MYLK4: variants seen among roughly 807,000 people sequenced by gnomAD.
MYLK4 encodes the protein myosin light chain kinase family member 4.
A neutral mutation model predicts 48.1 loss-of-function variants in MYLK4; 46 were observed. That is an observed-to-expected ratio of 0.96 (90% CI 0.75 to 1.22). MYLK4 has a LOEUF of 1.22. Ranked by LOEUF, MYLK4 falls within the 50% of genes most tolerant of loss-of-function variation. The pLI is 0.00. For missense variants in MYLK4, 451 were observed against 486.1 expected (o/e 0.93, Z 0.68); for synonymous variants, 170 against 180.8 (o/e 0.94, Z 0.48).
the MYLK4 span, chr6:2,765,934 G>C: frequency 1.4e-6 from 2 of 1,449,672 alleles, no homozygotes; most frequent in South Asian, 2.7e-5. Context: ...ACGGCGGCGA[G>C]ACCGAGAGCC....
intron 4 of MYLK4, among the ~76,000 whole-genome samples, 195 bp downstream of exon 4, chr6:2,688,656 A>C (rs1298855109): frequency 6.6e-6 from 1 of 152,234 alleles, no homozygotes. Context: ...GAAGTAAAGC[A>C]GATAATAAAT....
At chr6:2,721,637 C>T (rs758542735) in intron 2 of MYLK4, among the ~76,000 whole-genome samples, 38 of 152,206 alleles carry the variant, frequency 2.5e-4, no homozygotes, top group Non-Finnish European at 4.3e-4. Context: ...ATGTAAGTTC[C>T]TCCTGAATAA....
intron 2 of MYLK4, among the ~76,000 whole-genome samples, chr6:2,703,232 C>T (rs1260827253): frequency 6.6e-6 from 1 of 152,058 alleles, no homozygotes; most frequent in Non-Finnish European, 1.5e-5. Context: ...AGTGTACAGA[C>T]CAGGGAAAAA....
chr6:2,669,097 A>T (rs560171096), intron 12 of MYLK4, among the ~76,000 whole-genome samples: 4 of 152,214 alleles, frequency 2.6e-5, no homozygotes, highest in African/African-American at 9.6e-5. Flanking sequence ...AACAAAACAG[A>T]AAGCAAACTA....
At chr6:2,766,957 T>A in the MYLK4 span, among the ~76,000 whole-genome samples, 11 of 152,398 alleles carry the variant, frequency 7.2e-5, no homozygotes, top group Non-Finnish European at 1.2e-4. Context: ...AAGAATAAGT[T>A]TATTTAACAT....
At chr6:2,724,503 G>C (rs985394528) in intron 2 of MYLK4, among the ~76,000 whole-genome samples, 2 of 152,140 alleles carry the variant, frequency 1.3e-5, no homozygotes, top group African/African-American at 4.8e-5. Flanking sequence ...AAGTGTGAAG[G>C]GTCGGTAAAA....
intron 3 of MYLK4, among the ~76,000 whole-genome samples, chr6:2,692,433 A>C (rs192633669): frequency 6.7e-6 from 1 of 148,700 alleles, no homozygotes; most frequent in Admixed American, 6.7e-5. Context: ...ATCTCTCTAG[A>C]AGCCACCATA....
At chr6:2,765,484 C>T in the MYLK4 span, 4 of 1,124,758 alleles carry the variant, frequency 3.6e-6, no homozygotes, top group Admixed American at 4.5e-5. Flanking sequence ...GAGCGGCGCC[C>T]TCCTCCGGCC....
At chr6:2,682,184 A>C (rs1761333264) in intron 7 of MYLK4, among the ~76,000 whole-genome samples, 1 of 152,198 alleles carries the variant, frequency 6.6e-6, no homozygotes, top group South Asian at 2.1e-4. Flanking sequence ...GGGATGTTAT[A>C]TAGATTGTAT....
Position 2,688,835 on chromosome 6 carries a change from A to T in MYLK4, c.341+16T>A. 6.2e-7 allele frequency: 1 copy of T among 1,600,258 alleles called. No individual in the cohort carries two copies. Among genetic ancestry groups the T allele is most frequent in the Non-Finnish European group, 8.6e-7 (1 of 1,167,548 alleles). On this transcript the variant is annotated intron_variant, in intron 4 of 12. Transcript: ENST00000274643. ...CTTCTTTTGTTGAGAGAATATTAAC[A>T]TTCAGCCTTACTCACCCTCCTAGGA...
intron 12 of MYLK4, 36 bp from the exon 13 acceptor site, chr6:2,667,935 A>G (rs1265016438): frequency 6.5e-6 from 1 of 152,674 alleles, no homozygotes; most frequent in Non-Finnish European, 1.5e-5. Context: ...TTGTTAATTC[A>G]GCAGGGTTTT....
At chr6:2,769,374 C>G in the MYLK4 span, among the ~76,000 whole-genome samples, 1 of 151,764 alleles carries the variant, frequency 6.6e-6, no homozygotes, top group African/African-American at 2.4e-5. Flanking sequence ...TAAAAGGACA[C>G]AAGCTATTTT....
chr6:2,676,149 G>A (rs1337998835), intron 10 of MYLK4, among the ~76,000 whole-genome samples: 1 of 151,696 alleles, frequency 6.6e-6, no homozygotes, highest in Non-Finnish European at 1.5e-5. Context: ...GTAAGTGAAT[G>A]TAACAATCTG....
At chr6:2,724,248 A>T (rs1165279995) in intron 2 of MYLK4, among the ~76,000 whole-genome samples, 1 of 152,200 alleles carries the variant, frequency 6.6e-6, no homozygotes, top group Non-Finnish European at 1.5e-5. Context: ...GGCGATACAC[A>T]TAGAGGACTT....
At chr6:2,765,925 C>G in the MYLK4 span, 1 of 1,452,282 alleles carries the variant, frequency 6.9e-7, no homozygotes, top group Non-Finnish European at 9.1e-7. Flanking sequence ...AGGGCGACGA[C>G]GGCGGCGAGA....
intron 2 of MYLK4, among the ~76,000 whole-genome samples, chr6:2,747,257 A>G (rs1764129189): frequency 6.6e-6 from 1 of 152,148 alleles, no homozygotes. Context: ...AAAATATTTA[A>G]CTTCCAAATC....
chr6:2,685,418 A>C lies in MYLK4; in HGVS notation c.436-13T>G, dbSNP rs762944296. 6 of 1,613,326 alleles carry C rather than the reference A, an allele frequency of 3.7e-6. No individual in the cohort carries two copies. The highest frequency in any genetic ancestry group is 5.1e-6 in the Non-Finnish European group (6 of 1,179,326). On this transcript the variant is annotated splice_polypyrimidine_tract_variant and intron_variant, in intron 5 of 12. Coordinates refer to ENST00000274643, the MANE Select transcript of MYLK4 (RefSeq NM_001012418.5). This position sits in a 1 kb window ranked among gnomAD's most constrained non-coding sequence, Gnocchi z 4.5. ...TCTTCACCTCCTCCTGAGAAGCAGG[A>C]AACAGTGCATTAGTGTGGTCAAGAT...
intron 10 of MYLK4, among the ~76,000 whole-genome samples, chr6:2,676,739 C>A (rs1007538833): frequency 2.6e-5 from 4 of 152,180 alleles, no homozygotes; most frequent in Non-Finnish European, 5.9e-5. Context: ...CCACTGGGCC[C>A]ACCTCTGCAT....
At chr6:2,683,238 GTGCAAGTTC>G (rs1761386098) in intron 6 of MYLK4, 76 bp from the exon 7 acceptor site, 1 of 1,532,552 alleles carries the variant, frequency 6.5e-7, no homozygotes, top group Admixed American at 1.8e-5. Context: ...GTGACTTGTC[GTGCAAGTTC>G]TGCTACCTCT....
Sources: allele counts gnomAD v4.1 joint callset (sites outside exome capture counted in the v4.1 genomes callset), GRCh38; gene constraint gnomAD v4.1.1; non-coding constraint Gnocchi (gnomAD v3.1); transcripts MANE v1.5; gene names NCBI Gene and HGNC (gene_info 2026-07-23, HGNC 2026-07-21).